The following PARD3B variants were observed in gnomAD, a reference collection of about 807,000 sequenced individuals.
PARD3B encodes the protein partitioning defective 3 homolog B.
In PARD3B, 103 loss-of-function variants were observed where a neutral mutation model predicts 130.2. The observed-to-expected ratio is 0.79, with a 90% confidence interval of 0.67 to 0.93. The LOEUF is 0.93. Among genes scored for constraint, PARD3B ranks in the 40% least tolerant of loss-of-function variants. The pLI is 0.00. For synonymous variants in PARD3B, 583 were observed against 553.2 expected (o/e 1.05, Z -0.76); for missense variants, 1,609 against 1,499.2 (o/e 1.07, Z -1.21).
At chr2:204,801,071 A>T (rs192452115) in intron 2 of PARD3B, among the ~76,000 whole-genome samples, 1 of 152,050 alleles carries the variant, frequency 6.6e-6, no homozygotes, top group Non-Finnish European at 1.5e-5. Context: ...ATTGGTCTAC[A>T]TATCTGTTTT....
intron 1 of PARD3B, among the ~76,000 whole-genome samples, chr2:204,551,672 G>T (rs886072915): frequency 2.0e-4 from 30 of 152,246 alleles, no homozygotes; most frequent in African/African-American, 6.3e-4. Context: ...TGCCCTGTGC[G>T]CGATTGGGAG....
rs1694949424 is a variant in PARD3B, at chr2:205,002,755, T to C, written c.394+37432T>C. 2.0e-5 allele frequency among the ~76,000 whole-genome samples: 3 copies of C among 152,076 alleles called. No individual in the cohort carries two copies. In the South Asian group the frequency reaches 6.2e-4, roughly 31 times the overall value. ...CCCCTGCTTCATATCATCTAGTGGC[T>C]CCCCCTTTCATTCAGAGGAAAAGCC... On this transcript the variant is annotated intron_variant, in intron 3 of 22. Coordinates refer to ENST00000406610, the MANE Select transcript of PARD3B (RefSeq NM_001302769.2).
At chr2:205,502,284 A>G (rs2050185702) in intron 21 of PARD3B, among the ~76,000 whole-genome samples, 1 of 152,122 alleles carries the variant, frequency 6.6e-6, no homozygotes, top group Non-Finnish European at 1.5e-5. Flanking sequence ...GCCAGACCCA[A>G]CAAGGCAGCT....
At chr2:204,852,175 T>G (rs1288012374) in intron 2 of PARD3B, among the ~76,000 whole-genome samples, 3 of 152,052 alleles carry the variant, frequency 2.0e-5, no homozygotes, top group African/African-American at 7.3e-5. Context: ...CCACAAGTTT[T>G]TTTTTTTTTC....
rs1333888979 is a variant in PARD3B, at chr2:205,585,178, C to A, written c.3261-30278C>A. ...CTTAGTCTTTTTTGTGGAATGCCTG[C>A]CTAGGTGTTTATGGCAAGAGGCATA... On this transcript the variant is annotated intron_variant, in intron 22 of 22. Coordinates refer to ENST00000406610, the MANE Select transcript of PARD3B (RefSeq NM_001302769.2). The surrounding 1 kb of genome is among the most constrained non-coding windows in gnomAD (Gnocchi z 5.4). 6.6e-6 allele frequency among the ~76,000 whole-genome samples: 1 copy of A among 152,138 alleles called. No homozygotes were observed. Among genetic ancestry groups the A allele is most frequent in the Non-Finnish European group, 1.5e-5 (1 of 68,024 alleles).
chr2:204,797,094 G>A (rs1477029381), intron 2 of PARD3B, among the ~76,000 whole-genome samples: 6 of 147,866 alleles, frequency 4.1e-5, no homozygotes, highest in Non-Finnish European at 8.9e-5. Flanking sequence ...AGAATCGCTT[G>A]AACCGAGGAG....
rs138690458 is a variant in PARD3B, at chr2:204,881,640, A to G, written c.223-83512A>G. On this transcript the variant is annotated intron_variant, in intron 2 of 22. Coordinates refer to ENST00000406610, the MANE Select transcript of PARD3B (RefSeq NM_001302769.2). ...GTTGCCAAGGGGCATGCTGAAGCCA[A>G]CTGAGAAAGGGCTTCTTTGAAAGGC... 6.5e-3 allele frequency among the ~76,000 whole-genome samples: 989 copies of G among 152,340 alleles called. 16 individuals are homozygous for G. Among genetic ancestry groups the G allele is most frequent in the African/African-American group, 0.022 (932 of 41,586 alleles).
intron 18 of PARD3B, among the ~76,000 whole-genome samples, chr2:205,354,569 C>T (rs1342791555): frequency 6.6e-6 from 1 of 152,174 alleles, no homozygotes; most frequent in Non-Finnish European, 1.5e-5. Context: ...CCTCCCACCT[C>T]AGCCTCCCAA....
chr2:205,270,579 AAAAGAAAG>A lies in PARD3B; in HGVS notation c.2185+24772_2185+24779del, dbSNP rs368823508. 1.5e-3 allele frequency among the ~76,000 whole-genome samples: 221 copies of A among 152,060 alleles called. 1 individual carries two copies. Among genetic ancestry groups the A allele is most frequent in the Admixed American group, 3.4e-3 (52 of 15,256 alleles). ...GAGACTCCATCTCAAAAAAAAAACA[AAAAGAAAG>A]AAAGAAAGAAAGAACACCCTACTAT... On this transcript the variant is annotated intron_variant, in intron 16 of 22. Transcript: ENST00000406610.
At chr2:205,192,890 G>C (rs12469415) in intron 14 of PARD3B, among the ~76,000 whole-genome samples, 2 of 152,032 alleles carry the variant, frequency 1.3e-5, no homozygotes, top group African/African-American at 4.8e-5. Context: ...TGAAGTGCTA[G>C]TGTTTTCCAG....
At chr2:205,320,301 GA>G (rs1318717999) in intron 18 of PARD3B, among the ~76,000 whole-genome samples, 1 of 152,054 alleles carries the variant, frequency 6.6e-6, no homozygotes, top group East Asian at 1.9e-4. Context: ...AATTCTAAAA[GA>G]GAGGAACAAG....
At chr2:205,354,032 T>A (rs1245293054) in intron 18 of PARD3B, among the ~76,000 whole-genome samples, 1 of 113,122 alleles carries the variant, frequency 8.8e-6, no homozygotes, top group Non-Finnish European at 2.0e-5. Flanking sequence ...TTTCCTTTTT[T>A]TTTTTTTTTT....
chr2:204,670,842 G>A (rs2036264762), intron 1 of PARD3B, among the ~76,000 whole-genome samples: 1 of 151,998 alleles, frequency 6.6e-6, no homozygotes, highest in African/African-American at 2.4e-5. Flanking sequence ...AGTTTTCATT[G>A]AATCTCATGC....
At chr2:205,247,318 A>G (rs185113699) in intron 16 of PARD3B, among the ~76,000 whole-genome samples, 2 of 152,334 alleles carry the variant, frequency 1.3e-5, no homozygotes, top group African/African-American at 4.8e-5. Flanking sequence ...TCATCTTTGT[A>G]TATTGCCATA....
chr2:205,147,896 T>C (rs764922679), intron 10 of PARD3B, among the ~76,000 whole-genome samples: 4 of 152,180 alleles, frequency 2.6e-5, no homozygotes, highest in Non-Finnish European at 5.9e-5. Context: ...AGTGACGTAA[T>C]ATTGAATTTT....
At position 205,079,020 on chromosome 2, in the gene PARD3B, C is replaced by T. The variant is rs139036505; in HGVS notation, c.505-25406C>T. 2.9e-3 allele frequency among the ~76,000 whole-genome samples: 447 copies of T among 152,318 alleles called. 4 individuals are homozygous for T. Among genetic ancestry groups the T allele is most frequent in the South Asian group, 6.4e-3 (31 of 4,832 alleles). Reference sequence around the variant, plus strand: ...CTGCAGCCTTGTGAGAGACCCCAAGCGAGGGCTGCCCAGCTTAGCCTTTCC... The same window carrying T: ...CTGCAGCCTTGTGAGAGACCCCAAGTGAGGGCTGCCCAGCTTAGCCTTTCC... On this transcript the variant is annotated intron_variant, in intron 4 of 22. Transcript: ENST00000406610.
At chr2:205,418,405 G>T (rs1032030417) in intron 19 of PARD3B, among the ~76,000 whole-genome samples, 3 of 151,780 alleles carry the variant, frequency 2.0e-5, no homozygotes, top group African/African-American at 7.3e-5. Flanking sequence ...TCTAGTCCCT[G>T]CCCTCAACAA....
At chr2:205,070,257 G>A (rs1232629812) in intron 4 of PARD3B, among the ~76,000 whole-genome samples, 1 of 152,072 alleles carries the variant, frequency 6.6e-6, no homozygotes, top group African/African-American at 2.4e-5. Context: ...TTTTAATATT[G>A]TAAATATAAC....
intron 2 of PARD3B, among the ~76,000 whole-genome samples, chr2:204,846,268 G>A (rs2044457659): frequency 6.6e-6 from 1 of 151,984 alleles, no homozygotes; most frequent in African/African-American, 2.4e-5. Flanking sequence ...GTGTGGGAAG[G>A]CAGTTGCTCT....
Sources: gnomAD v4.1 joint callset for allele counts (sites outside exome capture counted in the v4.1 genomes callset) on GRCh38, gnomAD v4.1.1 for gene constraint, Gnocchi (gnomAD v3.1) non-coding constraint, MANE v1.5 for transcripts, NCBI Gene and HGNC (gene_info 2026-07-23, HGNC 2026-07-21) for gene names.